RREB1: variants seen among roughly 807,000 people sequenced by gnomAD.
RREB1 encodes the protein ras-responsive element-binding protein 1.
A neutral mutation model predicts 117.8 loss-of-function variants in RREB1; 27 were observed. The ratio of observed to expected loss-of-function variants is 0.23; its 90% CI spans 0.17 to 0.32. RREB1 has a LOEUF of 0.32. Among genes scored for constraint, RREB1 ranks in the 10% least tolerant of loss-of-function variants. The pLI is 1.00. For missense variants in RREB1, 2,577 were observed against 2,378.2 expected, an observed-to-expected ratio of 1.08 and a Z score of -1.74; for synonymous variants, 1,298 against 1,026.7, an observed-to-expected ratio of 1.26 and a Z score of -5.05.
At chr6:7,222,405 G>T (rs1033213354) in intron 8 of RREB1, among the ~76,000 whole-genome samples, 1 of 152,218 alleles carries the variant, frequency 6.6e-6, no homozygotes, top group East Asian at 1.9e-4. Context: ...GTTGTCCAAG[G>T]TCACGCAATC....
intron 1 of RREB1, among the ~76,000 whole-genome samples, chr6:7,162,843 TATTTTTTTATTTTTTC>T (rs1051357768): frequency 1.3e-5 from 2 of 151,986 alleles, no homozygotes; most frequent in African/African-American, 4.8e-5. Context: ...ATTTTATTTT[TATTTTTTTATTTTTTC>T]ATTTTTTGAG....
chr6:7,205,206 G>C (rs566945617), intron 6 of RREB1, among the ~76,000 whole-genome samples: 7 of 152,316 alleles, frequency 4.6e-5, no homozygotes, highest in South Asian at 4.1e-4. Flanking sequence ...AAGCCAGACT[G>C]CTGGGCCCCG....
At chr6:7,206,679 G>C (rs1031056269) in intron 6 of RREB1, among the ~76,000 whole-genome samples, 2 of 152,210 alleles carry the variant, frequency 1.3e-5, no homozygotes, top group Non-Finnish European at 2.9e-5. Context: ...AAGGAACACT[G>C]AATTGTGGGT....
At position 7,231,879 on chromosome 6, in the gene RREB1, C is replaced by T. The variant is rs1768007606; in HGVS notation, c.3780C>T (p.Ser1260=). The change falls in exon 10 of 13, where the codon TCC becomes TCT. Residue 1260 remains serine, a synonymous_variant. Transcript: ENST00000379938. ...CCCGGGTTTTCCCTTGGGCCAGCTCCCTACAGAGGCACATGCTCACACACA... is the reference window on the plus strand; with the variant it reads ...CCCGGGTTTTCCCTTGGGCCAGCTCTCTACAGAGGCACATGCTCACACACA... The part of the protein sequence containing the change: ...HCPRVFPWAS[S]LQRHMLTHTG... 6.2e-7 allele frequency: 1 copy of T among 1,610,022 alleles called. No homozygotes were observed. The highest frequency in any genetic ancestry group is 8.5e-7 in the Non-Finnish European group (1 of 1,177,864).
intron 1 of RREB1, among the ~76,000 whole-genome samples, chr6:7,155,898 T>G (rs1454572721): frequency 6.6e-6 from 1 of 152,228 alleles, no homozygotes; most frequent in Non-Finnish European, 1.5e-5. Flanking sequence ...TCTTTTGTGT[T>G]CAGCAGACTA....
At chr6:7,225,226 T>TA (rs1767516653) in intron 8 of RREB1, among the ~76,000 whole-genome samples, 1 of 152,232 alleles carries the variant, frequency 6.6e-6, no homozygotes, top group Non-Finnish European at 1.5e-5. Flanking sequence ...GAGGGTCAGA[T>TA]ACGCTTGCAC....
intron 1 of RREB1, among the ~76,000 whole-genome samples, chr6:7,132,646 A>C (rs1171742862): frequency 6.6e-6 from 1 of 152,260 alleles, no homozygotes; most frequent in Admixed American, 6.5e-5. Context: ...GCCCATAGGC[A>C]TGCACCATTG....
Position 7,248,629 on chromosome 6 carries a change from C to T in RREB1, c.4890C>T (p.Ser1630=), listed in dbSNP as rs376211911. ...ATGCCAAACACCACGGGAAGGACAG[C>T]GACAAGGAAGAGCGGGGTGAGGAGG... The part of the protein sequence containing the change: ...ARHAKHHGKD[S]DKEERGEEDS... The change falls in exon 13 of 13, where the codon AGC becomes AGT. Residue 1630 remains serine, a synonymous_variant. Coordinates refer to ENST00000379938, the MANE Select transcript of RREB1 (RefSeq NM_001003699.4). 1.9e-5 allele frequency: 30 copies of T among 1,614,230 alleles called. No individual in the cohort carries two copies. The East Asian group carries it at 4.0e-4, about 22-fold the overall frequency.
At chr6:7,223,101 T>A (rs1018118598) in intron 8 of RREB1, among the ~76,000 whole-genome samples, 1 of 151,204 alleles carries the variant, frequency 6.6e-6, no homozygotes, top group Non-Finnish European at 1.5e-5. Flanking sequence ...CAAAAAATTT[T>A]AAAAATTAGC....
chr6:7,126,475 G>A (rs1396305102), intron 1 of RREB1, among the ~76,000 whole-genome samples: 2 of 151,118 alleles, frequency 1.3e-5, no homozygotes, highest in African/African-American at 2.4e-5. Flanking sequence ...CATCGTATTG[G>A]TCAGGCTGGT....
In RREB1 at chr6:7,246,831, G is replaced by T; in HGVS notation, c.4381G>T (p.Gly1461Cys). 6.4e-7 allele frequency: 1 copy of T among 1,553,350 alleles called. No individual in the cohort carries two copies. The highest frequency in any genetic ancestry group is 8.7e-7 in the Non-Finnish European group (1 of 1,148,718). ...CTGTGGGAAGAGCTTCAAGTTCCTG[G>T]GCACCCTGAGCCGCCACCGGAAGGC... ...DTCGKSFKFL[G>C]TLSRHRKAHG... is the part of the protein sequence containing the mutation. Residue 1461 changes from glycine to cysteine, a missense_variant, in exon 12 of 13, where the codon GGC becomes TGC. Coordinates refer to ENST00000379938, the MANE Select transcript of RREB1 (RefSeq NM_001003699.4).
intron 11 of RREB1, among the ~76,000 whole-genome samples, chr6:7,243,294 T>G (rs1768823238): frequency 6.6e-6 from 1 of 152,206 alleles, no homozygotes; most frequent in African/African-American, 2.4e-5. Flanking sequence ...GATCTTTAAT[T>G]GTTGAGCTGA....
intron 3 of RREB1, 57 bp from the exon 4 acceptor site, chr6:7,181,813 G>A: frequency 8.0e-7 from 1 of 1,254,840 alleles, no homozygotes. Flanking sequence ...AGCGCCCCCT[G>A]GCAATGACAG....
Position 7,231,568 on chromosome 6 carries a change from A to C in RREB1, c.3469A>C (p.Arg1157=). ...AGTSKKRGRK[R]GMRSRPRANS... ...CACGTCGAAGAAGAGGGGCCGGAAA[A>C]GGGGGATGAGGAGCCGACCCCGCGC... Residue 1157 remains arginine, a synonymous_variant, in exon 10 of 13, where the codon AGG becomes CGG. Transcript: ENST00000379938. 6.2e-7 allele frequency: 1 copy of C among 1,610,898 alleles called. No homozygotes were observed. Among genetic ancestry groups the C allele is most frequent in the Non-Finnish European group, 8.5e-7 (1 of 1,179,040 alleles).
At chr6:7,187,193 A>G (rs1441099071) in intron 4 of RREB1, among the ~76,000 whole-genome samples, 1 of 152,186 alleles carries the variant, frequency 6.6e-6, no homozygotes, top group Non-Finnish European at 1.5e-5. Context: ...AGTGCTTGGC[A>G]TGTGGTAATT....
chr6:7,249,038 C>CAACAGCCAA lies in RREB1; in HGVS notation c.*71_*72insACAGCCAAA. 1 of 1,172,348 alleles carries CAACAGCCAA rather than the reference C, an allele frequency of 8.5e-7. No homozygotes were observed. Among genetic ancestry groups the CAACAGCCAA allele is most frequent in the Non-Finnish European group, 1.2e-6 (1 of 862,890 alleles). 72.6% of individuals were successfully genotyped at this position (1,172,348 alleles called of 1,614,324 possible). A position where few individuals can be genotyped will look rare whatever the true frequency, so the allele number is the denominator to read the frequency against. ...GCGTCTATACTTCATGGGGTTTCCT[C>CAACAGCCAA]AGTGCCCTTTGGCTGTTGAGGAGTG... On this transcript the variant is annotated 3_prime_UTR_variant, in exon 13 of 13. Coordinates refer to ENST00000379938, the MANE Select transcript of RREB1 (RefSeq NM_001003699.4).
intron 1 of RREB1, among the ~76,000 whole-genome samples, chr6:7,152,563 T>C (rs1274864960): frequency 1.3e-5 from 2 of 152,198 alleles, no homozygotes; most frequent in African/African-American, 2.4e-5. Flanking sequence ...ACCAAATGCA[T>C]CACATGAGTG....
chr6:7,119,630 A>G (rs1307635480), intron 1 of RREB1, among the ~76,000 whole-genome samples: 1 of 152,218 alleles, frequency 6.6e-6, no homozygotes, highest in Non-Finnish European at 1.5e-5. Context: ...GGAGGAAGAC[A>G]AGACACAGAA....
rs549317495 is a variant in RREB1 at position 7,240,714 on chromosome 6, G to A, written c.3973+112G>A. 2.7e-4 allele frequency: 257 copies of A among 939,422 alleles called. 3 individuals are homozygous for A. The African/African-American group carries it at 3.8e-3, about 14-fold the overall frequency. 58.2% of individuals were successfully genotyped at this position (939,422 alleles called of 1,614,324 possible). A position where few individuals can be genotyped will look rare whatever the true frequency, so the allele number is the denominator to read the frequency against. On this transcript the variant is annotated intron_variant, in intron 11 of 12. Coordinates refer to ENST00000379938, the MANE Select transcript of RREB1 (RefSeq NM_001003699.4). ...GGAGGGGCTGCTTGTTCACTTCTCT[G>A]TAGGATTCAGAGCCCACAGCCTGTT... is the stretch of plus-strand genomic sequence containing the variant.
Sources: gnomAD v4.1 joint callset for allele counts (sites outside exome capture counted in the v4.1 genomes callset) on GRCh38, gnomAD v4.1.1 for gene constraint, MANE v1.5 for transcripts, NCBI Gene and HGNC (gene_info 2026-07-23, HGNC 2026-07-21) for gene names.